C12orf42: variants seen among roughly 807,000 people sequenced by gnomAD.
The protein encoded by C12orf42 is uncharacterized protein C12orf42.
A neutral mutation model predicts 21.6 loss-of-function variants in C12orf42; 25 were observed. The ratio of observed to expected loss-of-function variants is 1.16; its 90% confidence interval spans 0.84 to 1.62. The LOEUF is 1.62. Among genes scored for constraint, C12orf42 ranks in the 40% most tolerant of loss-of-function variants. The probability of loss-of-function intolerance (pLI) is 0.00; values close to 1 mark genes in which losing one functional copy is unlikely to be tolerated. For missense variants in C12orf42, 483 were observed against 459.3 expected, an observed-to-expected ratio of 1.05 and a Z score of -0.47; for synonymous variants, 174 against 175.0, an observed-to-expected ratio of 0.99 and a Z score of 0.05.
At chr12:103,327,897 T>C (rs188169597) in intron 4 of C12orf42, among the ~76,000 whole-genome samples, 5 of 152,306 alleles carry the variant, frequency 3.3e-5, no homozygotes, top group African/African-American at 1.2e-4. Context: ...ACTCCATTCA[T>C]TGCAAGTAAC....
At chr12:103,183,555 T>C in the C12orf42 span, among the ~76,000 whole-genome samples, 2 of 152,164 alleles carry the variant, frequency 1.3e-5, no homozygotes, top group South Asian at 4.1e-4. Flanking sequence ...TTGTCTTACA[T>C]TTTTTATTTT....
chr12:103,193,229 G>T, the C12orf42 span, among the ~76,000 whole-genome samples: 1 of 151,452 alleles, frequency 6.6e-6, no homozygotes, highest in East Asian at 1.9e-4. Context: ...ATGGGATACA[G>T]CAAAAGCAAT....
chr12:103,554,594 T>C, the C12orf42 span, among the ~76,000 whole-genome samples: 1 of 150,856 alleles, frequency 6.6e-6, no homozygotes, highest in Non-Finnish European at 1.5e-5. Flanking sequence ...AAAAAGAGGT[T>C]TAATCAGCTT....
intron 2 of C12orf42, among the ~76,000 whole-genome samples, chr12:103,445,326 AAC>A (rs1267306345): frequency 6.6e-6 from 1 of 152,004 alleles, no homozygotes; most frequent in East Asian, 1.9e-4. Context: ...GCAGAGGAAA[AAC>A]AGTTTTTTCA....
At chr12:103,111,578 C>T in the C12orf42 span, among the ~76,000 whole-genome samples, 13 of 152,176 alleles carry the variant, frequency 8.5e-5, no homozygotes, top group African/African-American at 3.1e-4. Context: ...AAAGATGGCC[C>T]TTGAGAAATG....
chr12:103,097,811 C>A, the C12orf42 span, among the ~76,000 whole-genome samples: 1 of 152,202 alleles, frequency 6.6e-6, no homozygotes, highest in Non-Finnish European at 1.5e-5. Context: ...CAAAGAAATG[C>A]GCTGCAAAGC....
At chr12:103,083,937 G>A in the C12orf42 span, among the ~76,000 whole-genome samples, 3 of 152,262 alleles carry the variant, frequency 2.0e-5, no homozygotes, top group East Asian at 5.8e-4. Context: ...ACAGCCTGTT[G>A]GAAAATTCAT....
At chr12:103,231,966 C>T in the C12orf42 span, among the ~76,000 whole-genome samples, 2 of 152,154 alleles carry the variant, frequency 1.3e-5, no homozygotes, top group Non-Finnish European at 2.9e-5. Context: ...ACATCCTTGT[C>T]AGCATTTGAT....
chr12:103,371,276 T>C (rs2045206385), intron 3 of C12orf42, among the ~76,000 whole-genome samples: 1 of 152,036 alleles, frequency 6.6e-6, no homozygotes, highest in Non-Finnish European at 1.5e-5. Context: ...GGGAGGTTCC[T>C]AGGAGGGCAC....
At chr12:103,088,863 G>GA in the C12orf42 span, among the ~76,000 whole-genome samples, 1 of 152,092 alleles carries the variant, frequency 6.6e-6, no homozygotes, top group Non-Finnish European at 1.5e-5. Context: ...CAGCACTTTG[G>GA]GAGGCCGAGG....
intron 4 of C12orf42, among the ~76,000 whole-genome samples, chr12:103,315,078 T>TA (rs968972604): frequency 4.6e-5 from 7 of 152,158 alleles, no homozygotes; most frequent in Non-Finnish European, 2.9e-5. Flanking sequence ...CAACAAACAT[T>TA]AAACACAACC....
At chr12:103,284,997 TGATTC>T in intron 4 of C12orf42, among the ~76,000 whole-genome samples, 1 of 152,276 alleles carries the variant, frequency 6.6e-6, no homozygotes, top group Non-Finnish European at 1.5e-5. Context: ...CCTAAGCAAA[TGATTC>T]CCTTATCTAG....
intron 10 of C12orf42, among the ~76,000 whole-genome samples, chr12:103,246,178 C>T (rs1288094790): frequency 6.6e-6 from 1 of 152,000 alleles, no homozygotes; most frequent in African/African-American, 2.4e-5. Context: ...GGAAATAAAC[C>T]AATATTTTAA....
At chr12:103,464,875 T>C (rs971209484) in intron 2 of C12orf42, among the ~76,000 whole-genome samples, 1 of 152,210 alleles carries the variant, frequency 6.6e-6, no homozygotes, top group Non-Finnish European at 1.5e-5. Context: ...CAGAAGGTTG[T>C]GGATGTGCAG....
intron 4 of C12orf42, among the ~76,000 whole-genome samples, chr12:103,363,072 G>A (rs910469639): frequency 1.1e-4 from 16 of 151,974 alleles, no homozygotes; most frequent in South Asian, 2.1e-4. Context: ...CAAGATAAAG[G>A]AAAGAATCAT....
At chr12:103,083,094 G>A in the C12orf42 span, among the ~76,000 whole-genome samples, 5 of 152,198 alleles carry the variant, frequency 3.3e-5, no homozygotes, top group Admixed American at 2.0e-4. Flanking sequence ...ACTGGGCACG[G>A]TGGCTGACGC....
intron 2 of C12orf42, among the ~76,000 whole-genome samples, chr12:103,424,509 G>A (rs1347627364): frequency 6.6e-6 from 1 of 152,248 alleles, no homozygotes; most frequent in Non-Finnish European, 1.5e-5. Context: ...GACAGTGGGT[G>A]CAGCCCACAG....
chr12:103,393,649 C>T (rs1442921241), intron 3 of C12orf42, among the ~76,000 whole-genome samples: 1 of 152,292 alleles, frequency 6.6e-6, no homozygotes, highest in Admixed American at 6.5e-5. Context: ...GATTCCCACA[C>T]TGGAATGAAA....
At position 103,368,537 on chromosome 12, in the gene C12orf42, C is replaced by G. The variant is rs374476771; in HGVS notation, c.259+350G>C. 3.3e-3 allele frequency among the ~76,000 whole-genome samples: 501 copies of G among 152,118 alleles called. 3 individuals carry two copies. The highest frequency in any genetic ancestry group is 0.011 in the African/African-American group (476 of 41,546). ...CTGTTCTAGATGAATGAAAGAAGAG[C>G]GTTTCTGTACTTTTGAAATTACAAG... On this transcript the variant is annotated intron_variant, in intron 4 of 5. Transcript: ENST00000548883.
Sources: allele counts gnomAD v4.1 joint callset (sites outside exome capture counted in the v4.1 genomes callset), GRCh38; gene constraint gnomAD v4.1.1; transcripts MANE v1.5; gene names NCBI Gene and HGNC (gene_info 2026-07-23, HGNC 2026-07-21).